Variants in MGA observed in about 807,000 individuals in gnomAD.
The protein encoded by MGA is MAX dimerization protein MGA.
A neutral mutation model predicts 261.1 loss-of-function variants in MGA; 40 were observed. That is an observed-to-expected ratio of 0.15 (90% CI 0.12 to 0.20). The LOEUF is 0.20. MGA is among the 10% of genes least tolerant of loss of function. The pLI is 1.00. For missense variants in MGA, 3,397 were observed against 3,630.5 expected (o/e 0.94, Z 1.65); for synonymous variants, 1,302 against 1,290.6 (o/e 1.01, Z -0.19).
upstream of MGA, among the ~76,000 whole-genome samples, chr15:41,660,150 TGAG>T (rs1354156147): frequency 6.6e-6 from 1 of 152,228 alleles, no homozygotes; most frequent in Non-Finnish European, 1.5e-5. Flanking sequence ...TGTGCAAGCC[TGAG>T]GAGTTTAGGT....
upstream of MGA, among the ~76,000 whole-genome samples, chr15:41,658,270 T>C (rs1055815487): frequency 1.3e-5 from 2 of 152,180 alleles, no homozygotes; most frequent in Non-Finnish European, 2.9e-5. Context: ...CTGAAAAAGG[T>C]GGAACTTAGG....
intron 8 of MGA, among the ~76,000 whole-genome samples, chr15:41,712,217 C>T (rs1408539953): frequency 6.6e-6 from 1 of 151,928 alleles, no homozygotes; most frequent in African/African-American, 2.4e-5. Context: ...TGAAATGATG[C>T]CACAGCACAT....
chr15:41,750,605 A>T lies in MGA; in HGVS notation c.6998A>T (p.Asp2333Val). The change falls in exon 17 of 24, where the codon GAT becomes GTT. Residue 2333 changes from aspartate (D) to valine (V), a missense_variant. Coordinates refer to ENST00000219905, the MANE Select transcript of MGA (RefSeq NM_001164273.2). ...GACTACCAGAGTGAGGAGGTTGATG[A>T]TGTAGAAAAGGTGGTGAGCCCATTT... The T allele has an allele frequency of 3.1e-6, 5 of 1,605,192 alleles. No homozygotes were observed.
chr15:41,712,467 C>G (rs922996607), intron 8 of MGA, among the ~76,000 whole-genome samples: 27 of 152,154 alleles, frequency 1.8e-4, no homozygotes, highest in Non-Finnish European at 3.7e-4. Flanking sequence ...ATCTGCCTGC[C>G]TCGGCCTCCC....
chr15:41,759,927 T>C (rs916029783), intron 19 of MGA, among the ~76,000 whole-genome samples: 2 of 152,160 alleles, frequency 1.3e-5, no homozygotes, highest in Non-Finnish European at 2.9e-5. Context: ...GTTGATTTTT[T>C]ACCAGATTGA....
intron 3 of MGA, 35 bp from the exon 4 acceptor site, chr15:41,698,828 A>G (rs2059681905): frequency 1.4e-6 from 2 of 1,442,190 alleles, no homozygotes; most frequent in South Asian, 1.3e-5. Flanking sequence ...CAGAAGCAAT[A>G]TGAACTACTA....
upstream of MGA, among the ~76,000 whole-genome samples, chr15:41,657,219 C>T (rs1391111496): frequency 1.3e-5 from 2 of 152,048 alleles, no homozygotes; most frequent in African/African-American, 4.8e-5. Flanking sequence ...TCATACTTTG[C>T]CCCCCAGCAT....
At position 41,762,460 on chromosome 15, in the gene MGA, GGTTTTTTTTTT is replaced by G. The variant is rs1305430323; in HGVS notation, c.7744+99_7744+109del. ...CTTGTCCACATTTTTAGTTTTGTGTGGTTTTTTTTTTTTTTTTTTTTTTTTTTTTTTGGAGA... is the reference window on the plus strand; with the variant it reads ...CTTGTCCACATTTTTAGTTTTGTGTGTTTTTTTTTTTTTTTTTTTTGGAGA... On this transcript the variant is annotated intron_variant, in intron 22 of 23. Transcript: ENST00000219905. The G allele has an allele frequency of 1.3e-4, 25 of 190,526 alleles. 1 individual carries two copies. The highest frequency in any genetic ancestry group is 8.4e-4 in the African/African-American group (20 of 23,878). The allele number at this position is 190,526 out of a possible 1,614,324, so 11.8% of individuals were successfully genotyped here. A position where few individuals can be genotyped will look rare whatever the true frequency, so the allele number is the denominator to read the frequency against.
chr15:41,733,025 C>A (rs2061591587), intron 11 of MGA, among the ~76,000 whole-genome samples: 1 of 152,066 alleles, frequency 6.6e-6, no homozygotes, highest in South Asian at 2.1e-4. Context: ...GTGGCGCTGT[C>A]TTGGTTCACT....
At chr15:41,653,787 T>C (rs971678055) in intron 1 of MGA, among the ~76,000 whole-genome samples, 1 of 152,166 alleles carries the variant, frequency 6.6e-6, no homozygotes, top group African/African-American at 2.4e-5. Flanking sequence ...CCACCTTTTT[T>C]CCTCATATAT....
At position 41,766,993 on chromosome 15, in the gene MGA, A is replaced by C; in HGVS notation, c.8911A>C (p.Thr2971Pro). Reference sequence around the variant, plus strand: ...CTCACCCCCCACCCTACACATGAAGACTGGCTTGGAGAACAGCAACAGCAC... The same window carrying C: ...CTCACCCCCCACCCTACACATGAAGCCTGGCTTGGAGAACAGCAACAGCAC... The change falls in exon 24 of 24, where the codon ACT becomes CCT. Residue 2971 changes from threonine to proline, a missense_variant. Around this residue, in one of 9 missense-constraint regions of MGA, gnomAD observed 647 missense variants for 642.4 expected, o/e 1.01. Transcript: ENST00000219905. 1 of 1,613,940 alleles carries C rather than the reference A, an allele frequency of 6.2e-7. No individual in the cohort carries two copies.
At chr15:41,644,346 C>CAAAAAAAAAA (rs34743222) in intron 1 of MGA, among the ~76,000 whole-genome samples, 1 of 65,694 alleles carries the variant, frequency 1.5e-5, no homozygotes, top group Non-Finnish European at 2.8e-5. Context: ...CCATCTGTAC[C>CAAAAAAAAAA]AAAAAAAAAA....
At chr15:41,723,377 A>T (rs117183161) in intron 9 of MGA, among the ~76,000 whole-genome samples, 18 of 152,166 alleles carry the variant, frequency 1.2e-4, no homozygotes, top group African/African-American at 4.1e-4. Flanking sequence ...GTCTCTGCCA[A>T]TGATGGTCCT....
chr15:41,716,808 TTG>T (rs1164258468), intron 9 of MGA, among the ~76,000 whole-genome samples: 2 of 152,130 alleles, frequency 1.3e-5, no homozygotes, highest in African/African-American at 2.4e-5. Context: ...GCACAGTTTT[TTG>T]TGTGTTTTTA....
At chr15:41,629,061 G>A (rs371724439) in intron 1 of MGA, among the ~76,000 whole-genome samples, 1 of 145,202 alleles carries the variant, frequency 6.9e-6, no homozygotes, top group African/African-American at 2.6e-5. Context: ...CATTGAAAAA[G>A]TGCCACTGCA....
chr15:41,671,867 A>C (rs1340302425), intron 2 of MGA, among the ~76,000 whole-genome samples: 2 of 152,154 alleles, frequency 1.3e-5, no homozygotes, highest in Non-Finnish European at 1.5e-5. Flanking sequence ...AGCAATGCAT[A>C]GTTTTTTTGT....
rs891790540 is a variant in MGA at position 41,641,569 on chromosome 15, A to G, written c.-68+20271A>G. Reference sequence around the variant, plus strand: ...CAGTGGCGTAATCTTAGCTCACTGCAACCTCTGCTTCCTGGGTTCAAGCAA... The same window carrying G: ...CAGTGGCGTAATCTTAGCTCACTGCGACCTCTGCTTCCTGGGTTCAAGCAA... On this transcript the variant is annotated intron_variant, in intron 1 of 8. Coordinates refer to the MGA transcript ENST00000566718. 2.0e-5 allele frequency among the ~76,000 whole-genome samples: 3 copies of G among 149,050 alleles called. No homozygotes were observed. The South Asian group carries it at 6.3e-4, about 31-fold the overall frequency.
At chr15:41,651,339 T>C (rs938089385) in intron 1 of MGA, among the ~76,000 whole-genome samples, 17 of 152,180 alleles carry the variant, frequency 1.1e-4, no homozygotes. Context: ...CTTGTTTTGA[T>C]CTTCAGTGTT....
At chr15:41,701,675 G>C (rs2059862181) in intron 5 of MGA, among the ~76,000 whole-genome samples, 1 of 152,172 alleles carries the variant, frequency 6.6e-6, no homozygotes, top group Admixed American at 6.5e-5. Context: ...TCTGCTCATA[G>C]TTCAGTAGAA....
Sources: allele counts gnomAD v4.1 joint callset (sites outside exome capture counted in the v4.1 genomes callset), GRCh38; gene constraint gnomAD v4.1.1; regional missense constraint gnomAD v4.1.1; transcripts MANE v1.5; gene names NCBI Gene and HGNC (gene_info 2026-07-23, HGNC 2026-07-21).